The following ACSF3 variants were observed in gnomAD, a reference collection of about 807,000 sequenced individuals.
ACSF3 encodes malonate--CoA ligase ACSF3, mitochondrial.
Under a neutral mutation model 53.2 loss-of-function variants are expected in ACSF3, and 78 were observed. The observed-to-expected ratio is 1.47, with a 90% confidence interval of 1.22 to 1.77. ACSF3 has a LOEUF of 1.77. ACSF3 is among the 40% of genes most tolerant of loss of function. The probability of loss-of-function intolerance (pLI) is 0.00; values close to 1 mark genes in which losing one functional copy is unlikely to be tolerated. For missense variants in ACSF3, 937 were observed against 771.1 expected, an observed-to-expected ratio of 1.22 and a Z score of -2.55; for synonymous variants, 414 against 333.1, an observed-to-expected ratio of 1.24 and a Z score of -2.65.
At chr16:89,100,625 G>A in intron 2 of ACSF3, 37 bp from the exon 3 acceptor site, 2 of 1,389,574 alleles carry the variant, frequency 1.4e-6, no homozygotes, top group Admixed American at 2.2e-5. Context: ...GGATGGGACA[G>A]TTGGGCACTC....
intron 8 of ACSF3, among the ~76,000 whole-genome samples, chr16:89,134,143 T>G (rs973270217): frequency 2.0e-5 from 3 of 152,220 alleles, no homozygotes; most frequent in African/African-American, 7.2e-5. Flanking sequence ...CTCCCAGAGC[T>G]CCCAAGATGG....
intron 10 of ACSF3, chr16:89,151,632 A>G: frequency 5.1e-6 from 1 of 196,802 alleles, no homozygotes; most frequent in Non-Finnish European, 1.0e-5. Flanking sequence ...TTTTGGATGG[A>G]GTCTCGCTCT....
chr16:89,130,980 A>C (rs1909158849), intron 7 of ACSF3, among the ~76,000 whole-genome samples: 1 of 152,070 alleles, frequency 6.6e-6, no homozygotes, highest in African/African-American at 2.4e-5. Context: ...CTCCTGAACC[A>C]ATCCATGAGA....
rs1172876401 is a variant in ACSF3, at chr16:89,102,758, A to G, written c.821A>G (p.Gln274Arg). The change falls in exon 4 of 11, where the codon CAG becomes CGG. Residue 274 changes from glutamine to arginine, a missense_variant and splice_region_variant. Transcript: ENST00000614302. ...CVMMPEFSPQ[Q>R]VWEKFLSSET... ...ATGATGCCTGAGTTCAGCCCTCAGC[A>G]GGTGAGTTGGGGTCAGGGCTCTCGG... The G allele has an allele frequency of 6.2e-7, 1 of 1,612,452 alleles. No individual in the cohort carries two copies. The highest frequency in any genetic ancestry group is 8.5e-7 in the Non-Finnish European group (1 of 1,179,994).
intron 7 of ACSF3, among the ~76,000 whole-genome samples, chr16:89,130,247 G>A (rs971000870): frequency 5.3e-5 from 8 of 152,164 alleles, no homozygotes; most frequent in Admixed American, 5.2e-4. Flanking sequence ...GGAATTCTGG[G>A]TTGACAACTA....
In ACSF3 at chr16:89,102,662, T is replaced by G. The variant is rs970366407; in HGVS notation, c.725T>G (p.Leu242Arg). The change falls in exon 4 of 11, where the codon CTC becomes CGC. Residue 242 changes from leucine to arginine, a missense_variant. By Grantham distance (102) the Leu-to-Arg change is moderately radical. Coordinates refer to ENST00000614302, the MANE Select transcript of ACSF3 (RefSeq NM_001243279.3). ...AAAGACGACGTGATCCTCCACGTGC[T>G]CCCGCTGCACCACGTCCATGGTGTG... ...WTKDDVILHV[L>R]PLHHVHGVVN... 6.2e-7 allele frequency: 1 copy of G among 1,613,686 alleles called. No individual in the cohort carries two copies. Among genetic ancestry groups the G allele is most frequent in the African/African-American group, 1.3e-5 (1 of 74,868 alleles).
At chr16:89,151,145 T>C (rs1310310338) in intron 10 of ACSF3, 1 of 803,934 alleles carries the variant, frequency 1.2e-6, no homozygotes, top group East Asian at 6.3e-5. Flanking sequence ...GGAGGGCTGC[T>C]GTATCCAGTG....
At chr16:89,101,478 G>C (rs1169408698) in intron 3 of ACSF3, 131 bp downstream of exon 3, 3 of 1,517,474 alleles carry the variant, frequency 2.0e-6, no homozygotes, top group Admixed American at 4.0e-5. Context: ...CTGCAGACCC[G>C]TGTGAGATAC....
chr16:89,115,056 C>T (rs1367702356), intron 6 of ACSF3: 12 of 221,940 alleles, frequency 5.4e-5, no homozygotes, highest in East Asian at 2.2e-4. Context: ...CTGGGTCCTC[C>T]GCTGGGACTT....
intron 1 of ACSF3, among the ~76,000 whole-genome samples, chr16:89,094,277 C>T (rs1296157580): frequency 6.6e-6 from 1 of 152,268 alleles, no homozygotes; most frequent in Middle Eastern, 3.4e-3. Context: ...GGTCCGTGTT[C>T]AGGCATCCTC....
At chr16:89,150,054 C>G (rs939186568) in intron 10 of ACSF3, 5 of 152,420 alleles carry the variant, frequency 3.3e-5, no homozygotes, top group East Asian at 3.9e-4. Context: ...CCTCAGGAAA[C>G]TTACAGTCAT....
chr16:89,105,510 C>T (rs1975865042), intron 4 of ACSF3, among the ~76,000 whole-genome samples: 1 of 151,992 alleles, frequency 6.6e-6, no homozygotes, highest in African/African-American at 2.4e-5. Context: ...TCTCTGGGGG[C>T]TCCTCTGACG....
intron 6 of ACSF3, among the ~76,000 whole-genome samples, chr16:89,119,183 A>C (rs910813302): frequency 1.3e-5 from 2 of 151,950 alleles, no homozygotes; most frequent in Non-Finnish European, 2.9e-5. Context: ...GAATCCAGAC[A>C]CCATCCCAGA....
At chr16:89,118,813 A>T (rs1394691804) in intron 6 of ACSF3, among the ~76,000 whole-genome samples, 1 of 152,110 alleles carries the variant, frequency 6.6e-6, no homozygotes, top group Non-Finnish European at 1.5e-5. Flanking sequence ...GTTATCAGGG[A>T]GGGGCTGGCT....
intron 4 of ACSF3, among the ~76,000 whole-genome samples, chr16:89,110,635 T>G (rs1416896778): frequency 1.3e-5 from 2 of 152,254 alleles, no homozygotes; most frequent in Non-Finnish European, 2.9e-5. Context: ...TTGGATCTTC[T>G]GGGTCCTTTG....
At chr16:89,095,864 C>G (rs1277184031) in intron 1 of ACSF3, among the ~76,000 whole-genome samples, 2 of 152,140 alleles carry the variant, frequency 1.3e-5, no homozygotes, top group African/African-American at 2.4e-5. Flanking sequence ...AAGGGCTAGG[C>G]CAGTGAGGAA....
Position 89,120,920 on chromosome 16 carries a change from C to A in ACSF3, c.1239+7C>A. On this transcript the variant is annotated splice_region_variant and intron_variant, in intron 7 of 10. Transcript: ENST00000614302. Reference sequence around the variant, plus strand: ...AGACGAGAGGGGGACCAAGGTAAGCCACTCTGCTCTTGGCAGGTGGGCGGC... The same window carrying A: ...AGACGAGAGGGGGACCAAGGTAAGCAACTCTGCTCTTGGCAGGTGGGCGGC... 1 of 1,612,908 alleles carries A rather than the reference C, an allele frequency of 6.2e-7. No individual in the cohort carries two copies.
At chr16:89,119,279 C>T (rs1423696377) in intron 6 of ACSF3, among the ~76,000 whole-genome samples, 1 of 152,224 alleles carries the variant, frequency 6.6e-6, no homozygotes, top group Non-Finnish European at 1.5e-5. Context: ...CGTGCCGTGT[C>T]CTTGCGCTGC....
intron 4 of ACSF3, among the ~76,000 whole-genome samples, chr16:89,106,822 G>A (rs944262461): frequency 2.0e-5 from 3 of 152,246 alleles, no homozygotes; most frequent in Non-Finnish European, 2.9e-5. Flanking sequence ...CTCAGACGCG[G>A]TGTCTTCAAG....
Sources: gnomAD v4.1 joint callset for allele counts (sites outside exome capture counted in the v4.1 genomes callset) on GRCh38, gnomAD v4.1.1 for gene constraint, MANE v1.5 for transcripts, NCBI Gene and HGNC (gene_info 2026-07-23, HGNC 2026-07-21) for gene names.